The following TUBB3 variants were observed in gnomAD, a reference collection of about 807,000 sequenced individuals.
TUBB3 encodes tubulin beta-3 chain.
TUBB3 carries 17 observed loss-of-function variants against 37.8 expected under a neutral mutation model. The ratio of observed to expected loss-of-function variants is 0.45; its 90% CI spans 0.31 to 0.67. The LOEUF is 0.67. TUBB3 is among the 30% of genes least tolerant of loss of function. The probability of loss-of-function intolerance (pLI) is 0.07; values close to 1 mark genes in which losing one functional copy is unlikely to be tolerated. For synonymous variants in TUBB3, 332 were observed against 278.9 expected, an observed-to-expected ratio of 1.19 and a Z score of -1.90; for missense variants, 262 against 657.9, an observed-to-expected ratio of 0.40 and a Z score of 6.58.
At position 89,936,091 on chromosome 16, in the gene TUBB3, T is replaced by G; in HGVS notation, c.*287T>G. 2 of 515,972 alleles carry G rather than the reference T, an allele frequency of 3.9e-6. No individual in the cohort carries two copies. Among genetic ancestry groups the G allele is most frequent in the Non-Finnish European group, 7.0e-6 (2 of 286,144 alleles). 32.0% of individuals were successfully genotyped at this position (515,972 alleles called of 1,614,324 possible). A position where few individuals can be genotyped will look rare whatever the true frequency, so the allele number is the denominator to read the frequency against. ...ACTTAATAAATCTATTGCTGTCAGA[T>G]ACCCTTGCTTGGTGCCAGAGATGTC... On this transcript the variant is annotated 3_prime_UTR_variant, in exon 4 of 4. Coordinates refer to ENST00000315491, the MANE Select transcript of TUBB3 (RefSeq NM_006086.4).
At chr16:89,929,357 C>G (rs1352623156) in intron 1 of TUBB3, among the ~76,000 whole-genome samples, 1 of 152,130 alleles carries the variant, frequency 6.6e-6, no homozygotes, top group Non-Finnish European at 1.5e-5. Context: ...CCACCCCTGA[C>G]CTTTGTGGAG....
intron 1 of TUBB3, among the ~76,000 whole-genome samples, chr16:89,930,171 C>G (rs1475910783): frequency 6.6e-6 from 1 of 151,788 alleles, no homozygotes; most frequent in Non-Finnish European, 1.5e-5. Context: ...GTGGCGCGAT[C>G]TCGACTCACC....
intron 1 of TUBB3, among the ~76,000 whole-genome samples, chr16:89,927,983 T>C (rs2030146117): frequency 6.6e-6 from 1 of 152,118 alleles, no homozygotes; most frequent in African/African-American, 2.4e-5. Flanking sequence ...GCAACTAAAT[T>C]AATGGGGGAT....
At position 89,936,018 on chromosome 16, in the gene TUBB3, G is replaced by A. The variant is rs941325056; in HGVS notation, c.*214G>A. On this transcript the variant is annotated 3_prime_UTR_variant, in exon 4 of 4. Transcript: ENST00000315491. Reference sequence around the variant, plus strand: ...GTCTTATTGCAGCTCCAGGCCTGACGTTTTACGGTTTTGTTTTTTACTGGT... The same window carrying A: ...GTCTTATTGCAGCTCCAGGCCTGACATTTTACGGTTTTGTTTTTTACTGGT... 3.0e-5 allele frequency: 19 copies of A among 631,490 alleles called. No homozygotes were observed. Among genetic ancestry groups the A allele is most frequent in the Admixed American group, 1.2e-4 (4 of 33,896 alleles). 39.1% of individuals were successfully genotyped at this position (631,490 alleles called of 1,614,324 possible).
Position 89,934,161 on chromosome 16 carries a change from G to A in TUBB3, c.278-568G>A, listed in dbSNP as rs926989846. The A allele has an allele frequency of 3.1e-5, 10 of 324,828 alleles. No homozygotes were observed. The East Asian group carries it at 3.4e-4, about 11-fold the overall frequency. 20.1% of individuals were successfully genotyped at this position (324,828 alleles called of 1,614,324 possible). On this transcript the variant is annotated intron_variant, in intron 3 of 3. Coordinates refer to ENST00000315491, the MANE Select transcript of TUBB3 (RefSeq NM_006086.4). ...CCTGGGGCGGGGCCGTGGATGCCAC[G>A]TTCCCATGCCTGTGTCCTGGGGCGG...
At chr16:89,922,344 T>C (rs2029910846), upstream of TUBB3, 1 of 152,312 alleles carries the variant, frequency 6.6e-6, no homozygotes, top group Non-Finnish European at 1.5e-5. Flanking sequence ...TCCTGAAGGA[T>C]TTTTGTTACT....
chr16:89,926,754 G>T (rs1329678775), intron 1 of TUBB3, among the ~76,000 whole-genome samples: 4 of 151,526 alleles, frequency 2.6e-5, no homozygotes, highest in Non-Finnish European at 4.4e-5. Context: ...TTTGGCTCTT[G>T]TTGCCCAGGC....
At position 89,933,448 on chromosome 16, in the gene TUBB3, G is replaced by T. The variant is rs764702998; in HGVS notation, c.167-20G>T. On this transcript the variant is annotated intron_variant, in intron 2 of 3. Transcript: ENST00000315491. ...CTGGCCCTCTGTGACCCGAATCACC[G>T]AGCCCCTCTCTCCCCTCAGCTCACA... The T allele has an allele frequency of 1.3e-6, 2 of 1,597,050 alleles. No homozygotes were observed. The highest frequency in any genetic ancestry group is 2.2e-5 in the South Asian group (2 of 90,734).
At position 89,933,519 on chromosome 16, in the gene TUBB3, T is replaced by C. The variant is rs1415414936; in HGVS notation, c.218T>C (p.Met73Thr). 1 of 1,614,000 alleles carries C rather than the reference T, an allele frequency of 6.2e-7. No homozygotes were observed. Among genetic ancestry groups the C allele is most frequent in the African/African-American group, 1.3e-5 (1 of 74,922 alleles). The stretch of plus-strand genomic sequence containing the variant: ...CTGGTGGACCTGGAACCCGGAACCA[T>C]GGACAGTGTCCGCTCAGGGGCCTTT... Reference protein sequence around the residue: ...AILVDLEPGTMDSVRSGAFGH... With the variant: ...AILVDLEPGTTDSVRSGAFGH... Residue 73 changes from methionine to threonine, a missense_variant, in exon 3 of 4, where the codon ATG becomes ACG. Met to Thr is a moderately conservative substitution (Grantham distance 81). Around this residue, in one of 3 missense-constraint regions of TUBB3, gnomAD observed 165 missense variants for 556.8 expected, o/e 0.30. Coordinates refer to ENST00000315491, the MANE Select transcript of TUBB3 (RefSeq NM_006086.4).
At position 89,935,664 on chromosome 16, in the gene TUBB3, G is replaced by A. The variant is rs1433104904; in HGVS notation, c.1213G>A (p.Glu405Lys). Residue 405 changes from glutamate (E) to lysine (K), a missense_variant, in exon 4 of 4, where the codon GAG (glutamate) becomes AAG (lysine). Physicochemically the swap from Glu to Lys is moderately conservative, Grantham distance 56. Transcript: ENST00000315491. ...CTGGTACACGGGCGAGGGCATGGAC[G>A]AGATGGAGTTCACCGAGGCCGAGAG... ...LHWYTGEGMDEMEFTEAESNM... is the reference protein window; with the variant it reads ...LHWYTGEGMDKMEFTEAESNM... 6.2e-7 allele frequency: 1 copy of A among 1,613,828 alleles called. No individual in the cohort carries two copies. The highest frequency in any genetic ancestry group is 1.1e-5 in the South Asian group (1 of 91,076).
intron 1 of TUBB3, 110 bp downstream of exon 1, chr16:89,923,568 A>C: frequency 9.3e-7 from 1 of 1,073,594 alleles, no homozygotes; most frequent in Non-Finnish European, 1.2e-6. Context: ...CCTGCAACAA[A>C]GGGATGCGCC....
intron 1 of TUBB3, among the ~76,000 whole-genome samples, chr16:89,924,679 A>C (rs2030010508): frequency 6.6e-6 from 1 of 152,058 alleles, no homozygotes; most frequent in Non-Finnish European, 1.5e-5. Context: ...GTAAATTGCA[A>C]CTTTGGCTCC....
chr16:89,923,353 G>C lies in TUBB3; in HGVS notation c.-49G>C, dbSNP rs755595558. ...CGCGGTCCCCGACCCTCAGCAGCCA[G>C]CCCGGCCCGCCCGCGCCCGTCCGCA... On this transcript the variant is annotated 5_prime_UTR_variant, in exon 1 of 4. Transcript: ENST00000315491. 16 of 1,427,912 alleles carry C rather than the reference G, an allele frequency of 1.1e-5. No individual in the cohort carries two copies. The highest frequency in any genetic ancestry group is 4.5e-5 in the African/African-American group (3 of 66,716). The allele number at this position is 1,427,912 out of a possible 1,614,324, so 88.5% of individuals were successfully genotyped here. A position where few individuals can be genotyped will look rare whatever the true frequency, so the allele number is the denominator to read the frequency against.
chr16:89,923,068 T>A (rs1156818017), upstream of TUBB3, among the ~76,000 whole-genome samples: 1 of 152,104 alleles, frequency 6.6e-6, no homozygotes, highest in Non-Finnish European at 1.5e-5. Context: ...TTGTCCTCCC[T>A]GGAGCCCGGC....
At chr16:89,929,073 G>A (rs569497223) in intron 1 of TUBB3, among the ~76,000 whole-genome samples, 2 of 150,332 alleles carry the variant, frequency 1.3e-5, no homozygotes, top group South Asian at 2.1e-4. Context: ...AGCGATTCTC[G>A]TGTCTCAGAC....
intron 1 of TUBB3, among the ~76,000 whole-genome samples, chr16:89,927,318 G>C (rs1001045041): frequency 6.6e-6 from 1 of 151,858 alleles, no homozygotes; most frequent in Non-Finnish European, 1.5e-5. Context: ...GAGGTGGGCA[G>C]AGGTTAAAGT....
At chr16:89,926,550 C>T (rs1016929629) in intron 1 of TUBB3, among the ~76,000 whole-genome samples, 5 of 152,206 alleles carry the variant, frequency 3.3e-5, no homozygotes, top group Admixed American at 3.3e-4. Context: ...GCCTCGAACG[C>T]CGGGTTCTGC....
intron 1 of TUBB3, among the ~76,000 whole-genome samples, chr16:89,926,857 A>G (rs1457005730): frequency 6.6e-6 from 1 of 151,764 alleles, no homozygotes; most frequent in Non-Finnish European, 1.5e-5. Flanking sequence ...AGCTGGGATT[A>G]CAGGCGCCCG....
chr16:89,926,041 C>T (rs888710012), intron 1 of TUBB3, among the ~76,000 whole-genome samples: 13 of 151,856 alleles, frequency 8.6e-5, no homozygotes, highest in Non-Finnish European at 1.6e-4. Flanking sequence ...CTGCAGTCAC[C>T]CCGGGGGGGG....
Sources: allele counts gnomAD v4.1 joint callset (sites outside exome capture counted in the v4.1 genomes callset), GRCh38; gene constraint gnomAD v4.1.1; regional missense constraint gnomAD v4.1.1; transcripts MANE v1.5; gene names NCBI Gene and HGNC (gene_info 2026-07-23, HGNC 2026-07-21).